The following LRRC75A variants were observed in gnomAD, a reference collection of about 807,000 sequenced individuals.
LRRC75A encodes leucine rich repeat containing 75A, also known as leucine-rich repeat-containing protein 75A.
LRRC75A carries 12 observed loss-of-function variants against 26.0 expected under a neutral mutation model. The ratio of observed to expected loss-of-function variants is 0.46; its 90% confidence interval spans 0.30 to 0.75. LRRC75A has a LOEUF of 0.75. LRRC75A is among the 30% of genes least tolerant of loss of function. The probability of loss-of-function intolerance (pLI) is 0.08; values close to 1 mark genes in which losing one functional copy is unlikely to be tolerated. For synonymous variants in LRRC75A, 223 were observed against 219.3 expected (o/e 1.02, Z -0.15); for missense variants, 410 against 486.6 (o/e 0.84, Z 1.48).
rs534062477 is a variant in LRRC75A at position 16,476,947 on chromosome 17, C to A, written c.247-14561G>T. 3.6e-3 allele frequency among the ~76,000 whole-genome samples: 543 copies of A among 151,668 alleles called. 3 individuals are homozygous for A. The highest frequency in any genetic ancestry group is 4.3e-3 in the Non-Finnish European group (293 of 67,870). On this transcript the variant is annotated intron_variant, in intron 1 of 3. Coordinates refer to ENST00000470794, the MANE Select transcript of LRRC75A (RefSeq NM_001113567.3). ...TAGAGACGGGGTTTCACCGTGTTAG[C>A]CAGGATGGTCTCAATCTCCTGACCT...
At chr17:16,458,406 C>T (rs1338346847) in intron 2 of LRRC75A, among the ~76,000 whole-genome samples, 1 of 152,126 alleles carries the variant, frequency 6.6e-6, no homozygotes, top group Non-Finnish European at 1.5e-5. Context: ...TGTGAGGACA[C>T]TCAAGCAGTC....
At chr17:16,479,525 C>T (rs1490690072) in intron 1 of LRRC75A, among the ~76,000 whole-genome samples, 1 of 152,248 alleles carries the variant, frequency 6.6e-6, no homozygotes, top group African/African-American at 2.4e-5. Flanking sequence ...CCCAACCAGA[C>T]AGGCACCTTC....
At chr17:16,449,742 G>A (rs143971981) in intron 2 of LRRC75A, among the ~76,000 whole-genome samples, 1,984 of 152,186 alleles carry the variant, frequency 0.013, 35 homozygotes, top group African/African-American at 0.042. Context: ...TCAGCCTCCC[G>A]AGTAGTTGGG....
chr17:16,447,518 G>A (rs1170346145), intron 3 of LRRC75A, among the ~76,000 whole-genome samples: 2 of 152,082 alleles, frequency 1.3e-5, no homozygotes, highest in Non-Finnish European at 2.9e-5. Flanking sequence ...GGCTGGTCTC[G>A]AACTCCTGAC....
At chr17:16,455,447 C>G (rs1325878688) in intron 2 of LRRC75A, among the ~76,000 whole-genome samples, 2 of 151,806 alleles carry the variant, frequency 1.3e-5, no homozygotes, top group African/African-American at 4.8e-5. Context: ...GGCGCAATCT[C>G]AGCTCAATGC....
At chr17:16,459,301 GGGGCTC>G (rs747111792) in intron 2 of LRRC75A, among the ~76,000 whole-genome samples, 1 of 152,184 alleles carries the variant, frequency 6.6e-6, no homozygotes, top group Non-Finnish European at 1.5e-5. Context: ...AAAAATAAAT[GGGGCTC>G]GAGACAGGCT....
intron 1 of LRRC75A, among the ~76,000 whole-genome samples, chr17:16,467,778 C>T (rs1364358253): frequency 6.6e-6 from 1 of 152,224 alleles, no homozygotes; most frequent in Non-Finnish European, 1.5e-5. Context: ...AGCCCTAGCA[C>T]ACTGTCCTCT....
At chr17:16,464,296 C>T (rs1225471475) in intron 1 of LRRC75A, among the ~76,000 whole-genome samples, 1 of 152,208 alleles carries the variant, frequency 6.6e-6, no homozygotes, top group East Asian at 1.9e-4. Context: ...GCTTCTGAAG[C>T]ACTGGCTGGT....
chr17:16,452,682 C>T (rs1344746918), intron 2 of LRRC75A, among the ~76,000 whole-genome samples: 2 of 152,082 alleles, frequency 1.3e-5, no homozygotes, highest in Non-Finnish European at 2.9e-5. Context: ...GATCTGCCCG[C>T]CTCAGCCTCC....
chr17:16,448,733 T>C (rs373351773), intron 2 of LRRC75A, among the ~76,000 whole-genome samples: 2 of 151,750 alleles, frequency 1.3e-5, no homozygotes, highest in Admixed American at 6.6e-5. Context: ...GAAGAAGAAA[T>C]GAGGACACAG....
At chr17:16,460,504 C>T (rs1053398097) in intron 2 of LRRC75A, among the ~76,000 whole-genome samples, 1 of 152,142 alleles carries the variant, frequency 6.6e-6, no homozygotes, top group African/African-American at 2.4e-5. Context: ...GTCCATGAGG[C>T]AACCTGTGAG....
Position 16,443,520 on chromosome 17 carries a change from G to T in LRRC75A, c.*68C>A. The T allele has an allele frequency of 7.2e-7, 1 of 1,381,898 alleles. No homozygotes were observed. Among genetic ancestry groups the T allele is most frequent in the Non-Finnish European group, 9.6e-7 (1 of 1,044,390 alleles). The allele number at this position is 1,381,898 out of a possible 1,614,324, so 85.6% of individuals were successfully genotyped here. A position where few individuals can be genotyped will look rare whatever the true frequency, so the allele number is the denominator to read the frequency against. Reference sequence around the variant, plus strand: ...CCTTAACCCACCTGATAGGAGAAGCGCCCTCCCCTGCCTGCCTTGCCCATT... The same window carrying T: ...CCTTAACCCACCTGATAGGAGAAGCTCCCTCCCCTGCCTGCCTTGCCCATT... On this transcript the variant is annotated 3_prime_UTR_variant, in exon 4 of 4. Transcript: ENST00000470794.
At chr17:16,476,927 ACGG>A (rs1293735195) in intron 1 of LRRC75A, among the ~76,000 whole-genome samples, 1 of 151,456 alleles carries the variant, frequency 6.6e-6, no homozygotes, top group East Asian at 2.0e-4. Flanking sequence ...TTTAGTAGAG[ACGG>A]GGTTTCACCG....
At chr17:16,486,828 T>A (rs2093848082) in intron 1 of LRRC75A, among the ~76,000 whole-genome samples, 1 of 152,180 alleles carries the variant, frequency 6.6e-6, no homozygotes, top group African/African-American at 2.4e-5. Flanking sequence ...CTCATGACAG[T>A]ACTAACAAGC....
intron 1 of LRRC75A, among the ~76,000 whole-genome samples, chr17:16,465,423 TTGAGGC>T (rs2093760136): frequency 6.6e-6 from 1 of 152,208 alleles, no homozygotes; most frequent in South Asian, 2.1e-4. Flanking sequence ...TTCCAAGATC[TTGAGGC>T]TGACGGTCAG....
intron 1 of LRRC75A, among the ~76,000 whole-genome samples, chr17:16,489,653 C>T (rs2093853470): frequency 6.6e-6 from 1 of 152,236 alleles, no homozygotes; most frequent in Non-Finnish European, 1.5e-5. Context: ...GGCAAGTGAA[C>T]ACTCCTGTGC....
chr17:16,457,123 ACCATCTG>A (rs55948835), intron 2 of LRRC75A, among the ~76,000 whole-genome samples: 90,106 of 151,180 alleles, frequency 0.6, 27,472 homozygotes, highest in Non-Finnish European at 0.66. Flanking sequence ...AGGCAGTGAT[ACCATCTG>A]CCATCTTCAC....
intron 1 of LRRC75A, among the ~76,000 whole-genome samples, chr17:16,468,783 G>A (rs935621917): frequency 3.3e-5 from 5 of 152,190 alleles, no homozygotes; most frequent in African/African-American, 7.2e-5. Flanking sequence ...CGGCACTTTG[G>A]GAGGCTGAAG....
In LRRC75A at chr17:16,491,798, C is replaced by T. The variant is rs1171155103; in HGVS notation, c.193G>A (p.Val65Met). ...GCCTCCTCCCGCCGGCCCTGGCGCA[C>T]CATCCGCAGCAGCTCCTGGACCATG... ...VGMVQELLRM[V>M]RQGRREEAGT... The change falls in exon 1 of 4, where the codon GTG (valine) becomes ATG (methionine). Residue 65 changes from valine to methionine, a missense_variant. Physicochemically the swap from Val to Met is conservative, Grantham distance 21. Transcript: ENST00000470794. The surrounding 1 kb of genome is among the most constrained non-coding windows in gnomAD (Gnocchi z 5.9). The T allele has an allele frequency of 1.4e-6, 2 of 1,436,164 alleles. No homozygotes were observed. The highest frequency in any genetic ancestry group is 6.4e-5 in the East Asian group (2 of 31,398). 89.0% of individuals were successfully genotyped at this position (1,436,164 alleles called of 1,614,324 possible).
Sources: allele counts gnomAD v4.1 joint callset (sites outside exome capture counted in the v4.1 genomes callset), GRCh38; gene constraint gnomAD v4.1.1; non-coding constraint Gnocchi (gnomAD v3.1); transcripts MANE v1.5; gene names NCBI Gene and HGNC (gene_info 2026-07-23, HGNC 2026-07-21).